The following NFILZ variants were observed in gnomAD, a reference collection of about 807,000 sequenced individuals.
NFILZ encodes the protein NFIL3 like protein.
chr19:8,669,308 A>G (rs2043076623), intron 3 of NFILZ, among the ~76,000 whole-genome samples: 1 of 152,192 alleles, frequency 6.6e-6, no homozygotes, highest in Non-Finnish European at 1.5e-5. Context: ...ATTATCAGGT[A>G]CCAGCTCTTA....
At chr19:8,639,095 C>G (rs553856826) in intron 3 of NFILZ, among the ~76,000 whole-genome samples, 1 of 152,216 alleles carries the variant, frequency 6.6e-6, no homozygotes, top group African/African-American at 2.4e-5. Context: ...CTGCCCGACT[C>G]GGCCTCCCAA....
chr19:8,651,591 G>C (rs2042965230), intron 3 of NFILZ, among the ~76,000 whole-genome samples: 1 of 152,148 alleles, frequency 6.6e-6, no homozygotes, highest in African/African-American at 2.4e-5. Flanking sequence ...GAGTGCAGTG[G>C]GGAGATCACA....
intron 3 of NFILZ, among the ~76,000 whole-genome samples, chr19:8,673,984 G>A (rs1248973025): frequency 6.6e-6 from 1 of 152,194 alleles, no homozygotes; most frequent in Non-Finnish European, 1.5e-5. Flanking sequence ...GGGACTACAG[G>A]TGCATGCCCT....
intron 3 of NFILZ, among the ~76,000 whole-genome samples, chr19:8,653,046 C>T (rs1265036584): frequency 0.38 from 17,913 of 47,416 alleles, 2,141 homozygotes; most frequent in Non-Finnish European, 0.42. Context: ...CTTTCTCTCT[C>T]TCTCTCTCTC....
At chr19:8,643,137 A>G (rs547330623) in intron 3 of NFILZ, among the ~76,000 whole-genome samples, 4 of 152,006 alleles carry the variant, frequency 2.6e-5, no homozygotes, top group Non-Finnish European at 5.9e-5. Flanking sequence ...TTTTGAAGAA[A>G]TGGGGTCTCC....
chr19:8,660,038 C>T (rs2043022523), intron 3 of NFILZ, among the ~76,000 whole-genome samples: 1 of 152,122 alleles, frequency 6.6e-6, no homozygotes, highest in African/African-American at 2.4e-5. Context: ...CGGCCACTGC[C>T]CTGTGGGAGG....
rs138740763 is a variant in NFILZ, at chr19:8,647,748, A to AACACAC, written c.-164+12019_-164+12024dup. Among the ~76,000 whole-genome samples, 270 of 137,236 alleles carry AACACAC rather than the reference A, an allele frequency of 2.0e-3. 2 individuals are homozygous for AACACAC. The highest frequency in any genetic ancestry group is 6.0e-3 in the South Asian group (26 of 4,308). 90.0% of individuals were successfully genotyped at this position (137,236 alleles called of 152,430 possible). ...AACACATGGACACAGGGAGGGGAACAACACACACACACACACACACACGCA... is the reference window on the plus strand; with the variant it reads ...AACACATGGACACAGGGAGGGGAACAACACACACACACACACACACACACACACGCA... On this transcript the variant is annotated intron_variant, in intron 3 of 5. Transcript: ENST00000691075.
At chr19:8,664,673 C>T (rs948119245) in intron 3 of NFILZ, among the ~76,000 whole-genome samples, 7 of 152,048 alleles carry the variant, frequency 4.6e-5, no homozygotes, top group African/African-American at 1.7e-4. Flanking sequence ...GAAATGTGGC[C>T]CTTCCGAGAA....
intron 3 of NFILZ, among the ~76,000 whole-genome samples, chr19:8,669,282 A>G (rs2043076508): frequency 6.6e-6 from 1 of 152,196 alleles, no homozygotes; most frequent in South Asian, 2.1e-4. Flanking sequence ...AAAAATAGCT[A>G]TGTGGGTTAT....
chr19:8,648,526 A>G (rs561121628), intron 3 of NFILZ, among the ~76,000 whole-genome samples: 1 of 152,130 alleles, frequency 6.6e-6, no homozygotes, highest in Non-Finnish European at 1.5e-5. Flanking sequence ...TACACAAAAA[A>G]GGCAGATGTG....
In NFILZ at chr19:8,677,651, A is replaced by C. The variant is rs2043117363; in HGVS notation, c.*16A>C. The stretch of plus-strand genomic sequence containing the variant: ...GCCCCTCTGAGGGCTTCCTCTGGGA[A>C]GGGCTAGGCTTGCAAGGGGGTGTTT... On this transcript the variant is annotated 3_prime_UTR_variant, in exon 6 of 6. Coordinates refer to ENST00000691075, the MANE Select transcript of NFILZ (RefSeq NM_001378600.1). 1 of 152,212 alleles carries C rather than the reference A, an allele frequency of 6.6e-6. No individual in the cohort carries two copies. 9.4% of individuals were successfully genotyped at this position (152,212 alleles called of 1,614,324 possible). A position where few individuals can be genotyped will look rare whatever the true frequency, so the allele number is the denominator to read the frequency against.
chr19:8,664,387 T>C (rs1395134643), intron 3 of NFILZ, among the ~76,000 whole-genome samples: 1 of 152,118 alleles, frequency 6.6e-6, no homozygotes, highest in Non-Finnish European at 1.5e-5. Context: ...CATCAGCCTG[T>C]TCCTGGCACT....
At chr19:8,636,012 T>C (rs2042892618) in intron 3 of NFILZ, among the ~76,000 whole-genome samples, 2 of 152,030 alleles carry the variant, frequency 1.3e-5, no homozygotes, top group African/African-American at 4.8e-5. Context: ...GATTTTTGTA[T>C]TTTTAGTAGA....
intron 1 of NFILZ, among the ~76,000 whole-genome samples, chr19:8,631,122 C>T (rs879967084): frequency 1.1e-4 from 16 of 152,064 alleles, no homozygotes; most frequent in Admixed American, 1.0e-3. Flanking sequence ...TTTGGGGTAC[C>T]AGGGGTTTCT....
At chr19:8,642,170 CTT>C (rs35972547) in intron 3 of NFILZ, among the ~76,000 whole-genome samples, 145 of 143,646 alleles carry the variant, frequency 1.0e-3, no homozygotes, top group Admixed American at 1.4e-3. Flanking sequence ...TCACCGTTCT[CTT>C]TTTTTTTTTT....
chr19:8,647,057 A>G (rs1375132374), intron 3 of NFILZ, among the ~76,000 whole-genome samples: 1 of 152,190 alleles, frequency 6.6e-6, no homozygotes, highest in Non-Finnish European at 1.5e-5. Flanking sequence ...CTCCTGCCTT[A>G]TAAGTTTGGG....
chr19:8,639,301 G>A (rs966857685), intron 3 of NFILZ, among the ~76,000 whole-genome samples: 3 of 152,140 alleles, frequency 2.0e-5, no homozygotes. Context: ...GGCAGGCCAG[G>A]CATGGCGGCT....
In NFILZ at chr19:8,674,787, C is replaced by G. The variant is rs143281439; in HGVS notation, c.-114+187C>G. 1.3e-3 allele frequency among the ~76,000 whole-genome samples: 192 copies of G among 152,160 alleles called. 2 individuals carry two copies. Among genetic ancestry groups the G allele is most frequent in the Admixed American group, 0.01 (154 of 15,280 alleles). ...CTGTCAAACATGACCTGAATTATGT[C>G]ACATAACCATGTAGCAACAGAAACT... On this transcript the variant is annotated intron_variant, in intron 4 of 5. Transcript: ENST00000691075.
chr19:8,663,132 T>C (rs1439725559), intron 3 of NFILZ, among the ~76,000 whole-genome samples: 2 of 151,728 alleles, frequency 1.3e-5, no homozygotes, highest in East Asian at 3.9e-4. Context: ...TTTTGTTTTT[T>C]GCTTTTTTAA....
Sources: gnomAD v4.1 joint callset for allele counts (sites outside exome capture counted in the v4.1 genomes callset) on GRCh38, gnomAD v4.1.1 for gene constraint, MANE v1.5 for transcripts, NCBI Gene and HGNC (gene_info 2026-07-23, HGNC 2026-07-21) for gene names.